Variants in PTPRN2 observed in about 807,000 individuals in gnomAD.
The protein encoded by PTPRN2 is receptor-type tyrosine-protein phosphatase N2.
PTPRN2 carries 74 observed loss-of-function variants against 118.8 expected under a neutral mutation model. The ratio of observed to expected loss-of-function variants is 0.62; its 90% CI spans 0.52 to 0.76. PTPRN2 has a LOEUF of 0.76. PTPRN2 is among the 30% of genes least tolerant of loss of function. The probability of loss-of-function intolerance (pLI) is 0.00; values close to 1 mark genes in which losing one functional copy is unlikely to be tolerated. For missense variants in PTPRN2, 1,481 were observed against 1,394.4 expected (o/e 1.06, Z -0.99); for synonymous variants, 641 against 608.0 (o/e 1.05, Z -0.80).
chr7:158,246,076 G>C lies in PTPRN2; in HGVS notation c.278-40803C>G, dbSNP rs139436326. On this transcript the variant is annotated intron_variant, in intron 3 of 22. Coordinates refer to ENST00000389418, the MANE Select transcript of PTPRN2 (RefSeq NM_002847.5). ...TACCCTCCAGGGATGACCCAGGATTGTGTGAAACCAAAATTCATTAAAAAT... is the reference window on the plus strand; with the variant it reads ...TACCCTCCAGGGATGACCCAGGATTCTGTGAAACCAAAATTCATTAAAAAT... Among the ~76,000 whole-genome samples, 236 of 152,172 alleles carry C rather than the reference G, an allele frequency of 1.6e-3. 2 individuals are homozygous for C. Among genetic ancestry groups the C allele is most frequent in the African/African-American group, 5.6e-3 (232 of 41,448 alleles).
At chr7:158,060,063 C>G (rs371383898) in intron 11 of PTPRN2, among the ~76,000 whole-genome samples, 1 of 115,328 alleles carries the variant, frequency 8.7e-6, no homozygotes, top group African/African-American at 4.3e-5. Flanking sequence ...CACACGGTGA[C>G]ACATCACTGC....
chr7:158,447,894 C>A (rs1817836683), intron 2 of PTPRN2, among the ~76,000 whole-genome samples: 1 of 152,248 alleles, frequency 6.6e-6, no homozygotes. Flanking sequence ...ACGGTCTTGC[C>A]CCACCCCGGC....
At chr7:158,461,007 A>G (rs1326703531) in intron 2 of PTPRN2, among the ~76,000 whole-genome samples, 2 of 152,210 alleles carry the variant, frequency 1.3e-5, no homozygotes, top group African/African-American at 4.8e-5. Flanking sequence ...CATTGCACAA[A>G]CTACAACATC....
chr7:158,334,580 G>T (rs1278818221), intron 2 of PTPRN2, among the ~76,000 whole-genome samples: 5 of 103,276 alleles, frequency 4.8e-5, no homozygotes, highest in African/African-American at 1.7e-4. Context: ...GCCCACAGAG[G>T]TCACTCACAC....
chr7:157,751,088 T>C (rs1563071526), intron 12 of PTPRN2, among the ~76,000 whole-genome samples: 1 of 152,192 alleles, frequency 6.6e-6, no homozygotes, highest in Non-Finnish European at 1.5e-5. Context: ...GGAGCTGCTG[T>C]GAGCTGTGGG....
Position 158,469,488 on chromosome 7 carries a change from C to CA in PTPRN2, c.163+20246dup, listed in dbSNP as rs372470536. On this transcript the variant is annotated intron_variant, in intron 2 of 22. Transcript: ENST00000389418. The stretch of plus-strand genomic sequence containing the variant: ...CAACACTAGTCCACAATGAACACAC[C>CA]AAAAAAATGTGTAAAGTGTGGGTCT... Among the ~76,000 whole-genome samples the CA allele has an allele frequency of 3.2e-3, 481 of 151,990 alleles. 2 individuals carry two copies. The highest frequency in any genetic ancestry group is 0.011 in the African/African-American group (455 of 41,466).
At chr7:157,839,547 CTGTG>C (rs935045385) in intron 12 of PTPRN2, among the ~76,000 whole-genome samples, 27 of 150,608 alleles carry the variant, frequency 1.8e-4, no homozygotes, top group South Asian at 6.3e-4. Context: ...CTCTGTGTGT[CTGTG>C]TGTGTGTGAG....
At position 157,618,832 on chromosome 7, in the gene PTPRN2, C is replaced by A. The variant is rs1432939156; in HGVS notation, c.2344+2530G>T. 1 of 143,124 alleles carries A rather than the reference C, an allele frequency of 7.0e-6. No individual in the cohort carries two copies. Among genetic ancestry groups the A allele is most frequent in the Non-Finnish European group, 1.6e-5 (1 of 62,174 alleles). The allele number at this position is 143,124 out of a possible 1,614,324, so 8.9% of individuals were successfully genotyped here. ...CGTTCTCTGTCTTCCCTGGTGGCCT[C>A]TCAACCCTGAAGGGCAGTGCTGTGT... On this transcript the variant is annotated intron_variant, in intron 15 of 22. Coordinates refer to ENST00000389418, the MANE Select transcript of PTPRN2 (RefSeq NM_002847.5). This position sits in a 1 kb window ranked among gnomAD's most constrained non-coding sequence, Gnocchi z 4.2.
At chr7:157,782,073 A>T (rs1803711821) in intron 12 of PTPRN2, among the ~76,000 whole-genome samples, 1 of 152,164 alleles carries the variant, frequency 6.6e-6, no homozygotes, top group Admixed American at 6.5e-5. Context: ...CACTGTCCCT[A>T]GGGAATAGAC....
intron 3 of PTPRN2, among the ~76,000 whole-genome samples, chr7:158,262,734 TCACACACTGCACATATA>T (rs1320524469): frequency 4.6e-5 from 6 of 131,298 alleles, no homozygotes; most frequent in Non-Finnish European, 9.6e-5. Flanking sequence ...ACACATACAT[TCACACACTGCACATATA>T]CACACACTGC....
chr7:158,214,217 C>CT (rs1827809520), intron 3 of PTPRN2, among the ~76,000 whole-genome samples: 1 of 152,052 alleles, frequency 6.6e-6, no homozygotes, highest in African/African-American at 2.4e-5. Context: ...TGACATACGT[C>CT]TTCCCACTAA....
rs201767359 is a variant in PTPRN2 at position 158,056,081 on chromosome 7, AG to A, written c.1723+25216del. Among the ~76,000 whole-genome samples, 794 of 152,170 alleles carry A rather than the reference AG, an allele frequency of 5.2e-3. 8 individuals are homozygous for A. Among genetic ancestry groups the A allele is most frequent in the African/African-American group, 0.018 (761 of 41,530 alleles). On this transcript the variant is annotated intron_variant, in intron 11 of 22. Coordinates refer to ENST00000389418, the MANE Select transcript of PTPRN2 (RefSeq NM_002847.5). ...GCTTTTTTCAGTCTGGAATCTTCGGAGGCTCTTGCTCTGCTCTAATGCAGAC... is the reference window on the plus strand; with the variant it reads ...GCTTTTTTCAGTCTGGAATCTTCGGAGCTCTTGCTCTGCTCTAATGCAGAC...
At chr7:157,542,954 G>A (rs568537831) in intron 22 of PTPRN2, among the ~76,000 whole-genome samples, 3 of 152,148 alleles carry the variant, frequency 2.0e-5, no homozygotes, top group Non-Finnish European at 4.4e-5. Context: ...AGCTGCATGC[G>A]GCGCCGGGAT....
At chr7:157,857,654 A>C (rs1468924820) in intron 12 of PTPRN2, 1 of 152,298 alleles carries the variant, frequency 6.6e-6, no homozygotes, top group Non-Finnish European at 1.5e-5. Flanking sequence ...TCCAGCTCTG[A>C]GGTCCGTGCC....
At chr7:158,311,313 G>C (rs1301472192) in intron 3 of PTPRN2, among the ~76,000 whole-genome samples, 5 of 152,026 alleles carry the variant, frequency 3.3e-5, no homozygotes, top group Admixed American at 1.3e-4. Context: ...TGGTTTTTTT[G>C]CTTTTTGCTT....
chr7:157,577,522 A>G (rs1365752437), intron 18 of PTPRN2, among the ~76,000 whole-genome samples: 3 of 152,144 alleles, frequency 2.0e-5, no homozygotes, highest in Admixed American at 2.0e-4. Context: ...CTCAAATAAA[A>G]AGGTCACATG....
intron 11 of PTPRN2, among the ~76,000 whole-genome samples, chr7:158,069,241 G>A (rs1811021752): frequency 6.6e-6 from 1 of 152,148 alleles, no homozygotes; most frequent in South Asian, 2.1e-4. Flanking sequence ...CAAGCTCAGG[G>A]GCAGTGGCAT....
intron 6 of PTPRN2, among the ~76,000 whole-genome samples, chr7:158,149,203 G>A (rs191989529): frequency 1.4e-5 from 2 of 146,652 alleles, no homozygotes; most frequent in Non-Finnish European, 3.0e-5. Context: ...TCAAGTGCAC[G>A]AGTGTCTGGG....
At chr7:158,337,121 C>T (rs1805750491) in intron 2 of PTPRN2, among the ~76,000 whole-genome samples, 7 of 151,716 alleles carry the variant, frequency 4.6e-5, no homozygotes, top group Non-Finnish European at 1.0e-4. Flanking sequence ...AGCTGAGGCC[C>T]ACAGAGGTCA....
Sources: allele counts gnomAD v4.1 joint callset (sites outside exome capture counted in the v4.1 genomes callset), GRCh38; gene constraint gnomAD v4.1.1; non-coding constraint Gnocchi (gnomAD v3.1); transcripts MANE v1.5; gene names NCBI Gene and HGNC (gene_info 2026-07-23, HGNC 2026-07-21).